FHOD3: variants seen among roughly 807,000 people sequenced by gnomAD.
FHOD3 encodes formin homology 2 domain containing 3.
Under a neutral mutation model 173.0 loss-of-function variants are expected in FHOD3, and 90 were observed. The observed-to-expected ratio is 0.52, with a 90% CI of 0.44 to 0.62. The LOEUF (loss-of-function observed/expected upper bound fraction) is 0.62. Among genes scored for constraint, FHOD3 ranks in the 20% least tolerant of loss-of-function variants. The pLI is 0.00. For missense variants in FHOD3, 1,945 were observed against 2,034.7 expected (o/e 0.96, Z 0.85); for synonymous variants, 828 against 823.0 (o/e 1.01, Z -0.10).
chr18:36,659,150 G>A (rs1030369472), intron 14 of FHOD3, among the ~76,000 whole-genome samples: 1 of 152,206 alleles, frequency 6.6e-6, no homozygotes, highest in African/African-American at 2.4e-5. Flanking sequence ...TGCTGCTGGT[G>A]ATTGGAGGTT....
chr18:36,431,655 T>G (rs987807909), intron 3 of FHOD3, among the ~76,000 whole-genome samples: 1 of 152,184 alleles, frequency 6.6e-6, no homozygotes, highest in African/African-American at 2.4e-5. Flanking sequence ...ACTTGGACAA[T>G]GTACATTTTG....
At chr18:36,433,274 T>C (rs1339882384) in intron 3 of FHOD3, among the ~76,000 whole-genome samples, 1 of 152,168 alleles carries the variant, frequency 6.6e-6, no homozygotes, top group Non-Finnish European at 1.5e-5. Flanking sequence ...TTGGGGGGCA[T>C]TTTAGGATTC....
intron 6 of FHOD3, among the ~76,000 whole-genome samples, chr18:36,589,696 G>A (rs546642538): frequency 2.0e-5 from 3 of 152,272 alleles, no homozygotes; most frequent in East Asian, 1.9e-4. Flanking sequence ...GTAAGTGGCC[G>A]TGCAGAGCCT....
chr18:36,511,155 G>GT (rs778085271), intron 4 of FHOD3, among the ~76,000 whole-genome samples: 1 of 151,972 alleles, frequency 6.6e-6, no homozygotes, highest in Non-Finnish European at 1.5e-5. Context: ...CATCACTGAG[G>GT]TTTTTTATTT....
chr18:36,742,093 G>T (rs1171859442), intron 21 of FHOD3, among the ~76,000 whole-genome samples: 1 of 152,146 alleles, frequency 6.6e-6, no homozygotes, highest in Non-Finnish European at 1.5e-5. Context: ...GGATTTCCTG[G>T]CTTTGGGATA....
At chr18:36,661,738 G>C (rs2036820105) in intron 14 of FHOD3, among the ~76,000 whole-genome samples, 1 of 152,162 alleles carries the variant, frequency 6.6e-6, no homozygotes, top group African/African-American at 2.4e-5. Context: ...ATGATAAATT[G>C]ACATAGGAAG....
intron 11 of FHOD3, 126 bp downstream of exon 11, chr18:36,649,531 C>T: frequency 1.6e-6 from 1 of 619,182 alleles, no homozygotes; most frequent in Non-Finnish European, 2.7e-6. Context: ...TCTTACTTAC[C>T]CTGTTCACAG....
intron 13 of FHOD3, 74 bp from the exon 14 acceptor site, chr18:36,658,001 G>T (rs956976122): frequency 2.1e-5 from 23 of 1,111,362 alleles, no homozygotes; most frequent in African/African-American, 4.8e-5. Flanking sequence ...AAAATGGTTT[G>T]CTAAGTCTTA....
chr18:36,407,336 A>G (rs2049121452), intron 3 of FHOD3, among the ~76,000 whole-genome samples: 1 of 152,180 alleles, frequency 6.6e-6, no homozygotes, highest in Non-Finnish European at 1.5e-5. Flanking sequence ...CAATTCATTG[A>G]TCCTCCCTCA....
At chr18:36,745,102 C>T (rs1172033973) in intron 23 of FHOD3, among the ~76,000 whole-genome samples, 6 of 152,006 alleles carry the variant, frequency 3.9e-5, no homozygotes, top group Non-Finnish European at 8.8e-5. Context: ...GCTGCTGAGG[C>T]CTGCTTCAAG....
At chr18:36,374,720 A>G (rs922220607) in intron 3 of FHOD3, among the ~76,000 whole-genome samples, 3 of 152,378 alleles carry the variant, frequency 2.0e-5, no homozygotes, top group Non-Finnish European at 4.4e-5. Flanking sequence ...AAGAAAGTCT[A>G]CATGGAATTC....
chr18:36,570,943 C>T (rs2058430349), intron 5 of FHOD3, among the ~76,000 whole-genome samples: 1 of 152,058 alleles, frequency 6.6e-6, no homozygotes, highest in Non-Finnish European at 1.5e-5. Context: ...AATGCTTTCT[C>T]CCTAATATTA....
chr18:36,350,519 C>CA (rs2046073914), intron 1 of FHOD3, among the ~76,000 whole-genome samples: 1 of 152,144 alleles, frequency 6.6e-6, no homozygotes, highest in Non-Finnish European at 1.5e-5. Context: ...AACCTAGAGC[C>CA]AAGAAAGGAC....
rs147663399 is a variant in FHOD3, at chr18:36,399,974, G to A, written c.337+27230G>A. ...GAATCATAGAGTTCCTTCATTCACT[G>A]GGTGAAAATAAAAATGTAAGAATGT... On this transcript the variant is annotated intron_variant, in intron 3 of 28. Transcript: ENST00000590592. Among the ~76,000 whole-genome samples, 307 of 152,244 alleles carry A rather than the reference G, an allele frequency of 2.0e-3. 1 individual carries two copies. Among genetic ancestry groups the A allele is most frequent in the African/African-American group, 6.9e-3 (288 of 41,544 alleles).
At chr18:36,559,524 C>T (rs1024949729) in intron 5 of FHOD3, among the ~76,000 whole-genome samples, 1 of 152,214 alleles carries the variant, frequency 6.6e-6, no homozygotes, top group Admixed American at 6.5e-5. Context: ...ACCAATACTA[C>T]TTCTTCCATA....
chr18:36,655,124 A>G (rs1215205220), intron 13 of FHOD3, among the ~76,000 whole-genome samples: 2 of 149,710 alleles, frequency 1.3e-5, no homozygotes, highest in East Asian at 3.9e-4. Flanking sequence ...TTGAAACTAC[A>G]AGTTCTCTGC....
chr18:36,773,661 T>G (rs573146267), intron 28 of FHOD3, among the ~76,000 whole-genome samples: 1 of 152,158 alleles, frequency 6.6e-6, no homozygotes, highest in Non-Finnish European at 1.5e-5. Flanking sequence ...CCAGGCTGTG[T>G]CTCACTGCTG....
intron 5 of FHOD3, among the ~76,000 whole-genome samples, chr18:36,516,435 G>T (rs910903959): frequency 5.3e-5 from 8 of 152,198 alleles, no homozygotes; most frequent in African/African-American, 9.7e-5. Context: ...AGCCAGCTGA[G>T]GATTGGCCCC....
chr18:36,567,429 C>T (rs2058304074), intron 5 of FHOD3, among the ~76,000 whole-genome samples: 1 of 152,164 alleles, frequency 6.6e-6, no homozygotes, highest in African/African-American at 2.4e-5. Context: ...TGTTAGATTT[C>T]TTATTGTAAA....
Sources: allele counts gnomAD v4.1 joint callset (sites outside exome capture counted in the v4.1 genomes callset), GRCh38; gene constraint gnomAD v4.1.1; transcripts MANE v1.5; gene names NCBI Gene and HGNC (gene_info 2026-07-23, HGNC 2026-07-21).